SCML1: variants seen among roughly 807,000 people sequenced by gnomAD.
SCML1 encodes the protein sex comb on midleg-like protein 1.
For missense variants in SCML1, 137 were observed against 258.1 expected, an observed-to-expected ratio of 0.53 and a Z score of 3.22; for synonymous variants, 104 against 103.6, an observed-to-expected ratio of 1.00 and a Z score of -0.02.
Position 17,744,171 on chromosome X carries a change from C to T in SCML1, c.-16C>T, listed in dbSNP as rs1353102787. The T allele has an allele frequency of 1.7e-6, 2 of 1,198,143 alleles. No homozygotes were observed. The highest frequency in any genetic ancestry group is 1.8e-5 in the South Asian group (1 of 56,242). On this transcript the variant is annotated 5_prime_UTR_variant, in exon 2 of 8. Coordinates refer to ENST00000380041, the MANE Select transcript of SCML1 (RefSeq NM_001037540.3). ...GTCCAACTCAGAGGAAGTGGAGTTT[C>T]TCCTGTTGCACAAAAATGATGTCTA...
chrX:17,738,380 A>G (rs1273360641), intron 1 of SCML1, among the ~76,000 whole-genome samples: 1 of 111,823 alleles, frequency 8.9e-6, no homozygotes, highest in Admixed American at 9.4e-5. Flanking sequence ...GAGTGCGGCA[A>G]ACTGGCTTCA....
In SCML1 at chrX:17,750,042, C is replaced by T. The variant is rs2066692484; in HGVS notation, c.452C>T (p.Pro151Leu). 2 of 1,211,874 alleles carry T rather than the reference C, an allele frequency of 1.7e-6. No individual in the cohort carries two copies. The highest frequency in any genetic ancestry group is 1.7e-5 in the African/African-American group (1 of 57,822). The part of the protein sequence containing the change: ...LPVSRRENNS[P>L]SNLPRPSFCM... The stretch of plus-strand genomic sequence containing the variant: ...GTGTCAAGGCGTGAGAATAATTCCC[C>T]GAGCAACCTTCCAAGGCCATCCTTT... Residue 151 changes from proline to leucine, a missense_variant, in exon 6 of 8, where the codon CCG (proline) becomes CTG (leucine). Pro to Leu is a moderately conservative substitution (Grantham distance 98, BLOSUM62 -3). Transcript: ENST00000380041.
chrX:17,737,548 G>C lies in SCML1; in HGVS notation c.-249G>C, dbSNP rs1375783353. On this transcript the variant is annotated 5_prime_UTR_variant, in exon 1 of 8. Transcript: ENST00000380041. ...GTGCGCGTGACCAGGCCCGGTTTCCGGTGCCAGGACCTTTCCGAAGCGTCG... is the reference window on the plus strand; with the variant it reads ...GTGCGCGTGACCAGGCCCGGTTTCCCGTGCCAGGACCTTTCCGAAGCGTCG... The C allele has an allele frequency of 9.3e-6, 1 of 107,994 alleles. No individual in the cohort carries two copies. Among genetic ancestry groups the C allele is most frequent in the Non-Finnish European group, 1.9e-5 (1 of 52,232 alleles). 8.9% of individuals were successfully genotyped at this position (107,994 alleles called of 1,213,427 possible).
chrX:17,751,830 T>C lies in SCML1; in HGVS notation c.719T>C (p.Val240Ala). Residue 240 changes from valine (V) to alanine (A), a missense_variant, in exon 7 of 8, where the codon GTT (valine) becomes GCT (alanine). Transcript: ENST00000380041. ...TCCATTGAAGTTACAAGGTCACCAG[T>C]TGAAAATGACGGTTACATAGAGGAA... ...AAPPSVTRSP[V>A]ENDGYIEEGS... The C allele has an allele frequency of 8.3e-7, 1 of 1,210,982 alleles. No homozygotes were observed. The highest frequency in any genetic ancestry group is 1.1e-6 in the Non-Finnish European group (1 of 895,039).
intron 1 of SCML1, among the ~76,000 whole-genome samples, chrX:17,740,554 G>A: frequency 9.0e-6 from 1 of 110,629 alleles, no homozygotes; most frequent in Admixed American, 9.5e-5. Flanking sequence ...TACACAGCTA[G>A]TATGTGGGGG....
rs371840167 is a variant in SCML1 at position 17,750,120 on chromosome X, G to T, written c.530G>T (p.Arg177Leu). 8.3e-7 allele frequency: 1 copy of T among 1,210,256 alleles called. No individual in the cohort carries two copies. Among genetic ancestry groups the T allele is most frequent in the Non-Finnish European group, 1.1e-6 (1 of 895,183 alleles). ...CTGGAGGAGGACCCGATCCTCAGCC[G>T]CACTCCGAGTCCAGTGCATCCCTCA... ...AELEEDPILS[R>L]TPSPVHPSDF... The change falls in exon 6 of 8, where the codon CGC becomes CTC. Residue 177 changes from arginine (R) to leucine (L), a missense_variant. Coordinates refer to ENST00000380041, the MANE Select transcript of SCML1 (RefSeq NM_001037540.3).
intron 1 of SCML1, among the ~76,000 whole-genome samples, chrX:17,742,552 C>T (rs1335319183): frequency 1.8e-5 from 2 of 111,948 alleles, no homozygotes; most frequent in Non-Finnish European, 3.8e-5. Flanking sequence ...CAGGATACTA[C>T]CTTAGTTTAT....
At chrX:17,739,704 C>G (rs951202402) in intron 1 of SCML1, among the ~76,000 whole-genome samples, 1 of 108,728 alleles carries the variant, frequency 9.2e-6, no homozygotes, top group African/African-American at 3.4e-5. Flanking sequence ...CAAAAATTAA[C>G]TGGGCATGGT....
In SCML1 at chrX:17,744,084, CCA is replaced by C. The variant is rs1057364041; in HGVS notation, c.-101_-100del. On this transcript the variant is annotated 5_prime_UTR_variant, in exon 2 of 8. Transcript: ENST00000380041. ...GTTGCTTTTCAGGAGTAGAGGTTTA[CCA>C]CTCTTAGGTGACTAAGCAGTATCAC... 3 of 671,900 alleles carry C rather than the reference CCA, an allele frequency of 4.5e-6. No individual in the cohort carries two copies. Among genetic ancestry groups the C allele is most frequent in the African/African-American group, 4.4e-5 (2 of 45,254 alleles). The allele number at this position is 671,900 out of a possible 1,213,427, so 55.4% of individuals were successfully genotyped here.
At chrX:17,739,870 A>G (rs898913679) in intron 1 of SCML1, among the ~76,000 whole-genome samples, 1 of 94,332 alleles carries the variant, frequency 1.1e-5, no homozygotes, top group Non-Finnish European at 1.9e-5. Context: ...AAAAAAAAAA[A>G]GAAATTTAGA....
At chrX:17,738,697 C>T (rs927675712) in intron 1 of SCML1, among the ~76,000 whole-genome samples, 3 of 111,803 alleles carry the variant, frequency 2.7e-5, no homozygotes, top group African/African-American at 6.5e-5. Context: ...GAAAGCCTTG[C>T]GCCTCCGGAG....
intron 4 of SCML1, among the ~76,000 whole-genome samples, chrX:17,748,791 A>G (rs1431294661): frequency 8.9e-6 from 1 of 111,999 alleles, no homozygotes; most frequent in African/African-American, 3.3e-5. Context: ...GTGTATTTCA[A>G]GAAGAATTCT....
intron 2 of SCML1, 139 bp downstream of exon 2, chrX:17,744,358 A>C: frequency 2.5e-6 from 1 of 405,047 alleles, no homozygotes; most frequent in Non-Finnish European, 4.1e-6. Context: ...TAATATATAA[A>C]GCTCTTGTGA....
At chrX:17,745,804 C>A (rs972376189) in intron 3 of SCML1, 1 of 326,899 alleles carries the variant, frequency 3.1e-6, no homozygotes. Context: ...ATAATAAATT[C>A]TTTTCTTGCC....
At chrX:17,750,725 T>A (rs1037765534) in intron 6 of SCML1, among the ~76,000 whole-genome samples, 1 of 112,089 alleles carries the variant, frequency 8.9e-6, no homozygotes, top group Non-Finnish European at 1.9e-5. Flanking sequence ...TCTTCTATTT[T>A]TATTTACCCT....
In SCML1 at chrX:17,737,585, G is replaced by C. The variant is rs1212113981; in HGVS notation, c.-212G>C. ...TTTCCGAAGCGTCGAGTGGCCTAAC[G>C]GTCACAGCTGTCGCCCATCGGAGAG... On this transcript the variant is annotated 5_prime_UTR_variant, in exon 1 of 8. Transcript: ENST00000380041. The C allele has an allele frequency of 9.0e-6, 1 of 111,178 alleles. No homozygotes were observed. The highest frequency in any genetic ancestry group is 1.9e-5 in the Non-Finnish European group (1 of 52,855). The allele number at this position is 111,178 out of a possible 1,213,427, so 9.2% of individuals were successfully genotyped here. A position where few individuals can be genotyped will look rare whatever the true frequency, so the allele number is the denominator to read the frequency against.
chrX:17,754,674 C>T lies in SCML1; in HGVS notation c.*1282C>T, dbSNP rs2066745708. ...GTGTAACAAATATAAGGTTTACGAG[C>T]TATGAGAATTGGTGCTATCACCATT... On this transcript the variant is annotated 3_prime_UTR_variant, in exon 8 of 8. Coordinates refer to ENST00000380041, the MANE Select transcript of SCML1 (RefSeq NM_001037540.3). 1 of 112,665 alleles carries T rather than the reference C, an allele frequency of 8.9e-6. No homozygotes were observed. Among genetic ancestry groups the T allele is most frequent in the Admixed American group, 9.4e-5 (1 of 10,654 alleles). The allele number at this position is 112,665 out of a possible 1,213,427, so 9.3% of individuals were successfully genotyped here. A position where few individuals can be genotyped will look rare whatever the true frequency, so the allele number is the denominator to read the frequency against.
In SCML1 at chrX:17,749,411, T is replaced by C; in HGVS notation, c.210T>C (p.Asp70=). 5 of 1,159,622 alleles carry C rather than the reference T, an allele frequency of 4.3e-6. No homozygotes were observed. Among genetic ancestry groups the C allele is most frequent in the Non-Finnish European group, 5.9e-6 (5 of 853,500 alleles). ...DVLIHCQVIY[D]ALQNLDKKID... The stretch of plus-strand genomic sequence containing the variant: ...TTGTATTATAATAGGTTATATATGA[T>C]GCTCTGCAAAACCTGGATAAGAAGA... The change falls in exon 5 of 8, where the codon GAT becomes GAC. Residue 70 remains aspartate, a synonymous_variant. Transcript: ENST00000380041.
At chrX:17,752,050 A>T in intron 7 of SCML1, 84 bp downstream of exon 7, 1 of 979,837 alleles carries the variant, frequency 1.0e-6, no homozygotes, top group Non-Finnish European at 1.4e-6. Flanking sequence ...TACTGTGTGA[A>T]TGGTGGGAGA....
Sources: gnomAD v4.1 joint callset for allele counts (sites outside exome capture counted in the v4.1 genomes callset) on GRCh38, gnomAD v4.1.1 for gene constraint, MANE v1.5 for transcripts, NCBI Gene and HGNC (gene_info 2026-07-23, HGNC 2026-07-21) for gene names.